TCF4: variants seen among roughly 807,000 people sequenced by gnomAD.
TCF4 encodes the protein transcription factor 4.
In TCF4, 3 loss-of-function variants were observed where a neutral mutation model predicts 82.1. The observed-to-expected ratio is 0.04, with a 90% CI of 0.02 to 0.09. The LOEUF (loss-of-function observed/expected upper bound fraction) is 0.09, where lower values mean the gene tolerates loss of function less well. Among genes scored for constraint, TCF4 ranks in the 10% least tolerant of loss-of-function variants. The pLI, the probability that TCF4 is intolerant of heterozygous loss-of-function variation, is 1.00. For synonymous variants in TCF4, 276 were observed against 309.6 expected (o/e 0.89, Z 1.14); for missense variants, 518 against 852.7 (o/e 0.61, Z 4.89).
At chr18:55,386,917 A>C (rs990035732) in intron 6 of TCF4, among the ~76,000 whole-genome samples, 4 of 152,198 alleles carry the variant, frequency 2.6e-5, no homozygotes, top group Non-Finnish European at 5.9e-5. Flanking sequence ...CACAGAGCCA[A>C]AGGAGGCACT....
chr18:55,344,463 G>C (rs1471605050), intron 8 of TCF4, among the ~76,000 whole-genome samples: 1 of 151,952 alleles, frequency 6.6e-6, no homozygotes, highest in Non-Finnish European at 1.5e-5. Flanking sequence ...ACACTTCTCA[G>C]TAATTTAAAC....
rs185541082 is a variant in TCF4 at position 55,510,345 on chromosome 18, C to T, written c.146-46208G>A. 1.1e-3 allele frequency among the ~76,000 whole-genome samples: 173 copies of T among 152,224 alleles called. 2 individuals are homozygous for T. The highest frequency in any genetic ancestry group is 5.4e-4 in the Non-Finnish European group (37 of 67,992). On this transcript the variant is annotated intron_variant, in intron 3 of 19. Transcript: ENST00000354452. ...TAGAGATAGCAAAAAAAAGTTAGAGCTTAAAAAAGCAGAAATGTTTATAAT... is the reference window on the plus strand; with the variant it reads ...TAGAGATAGCAAAAAAAAGTTAGAGTTTAAAAAAGCAGAAATGTTTATAAT...
At chr18:55,517,578 A>G (rs1408543048) in intron 3 of TCF4, among the ~76,000 whole-genome samples, 1 of 152,254 alleles carries the variant, frequency 6.6e-6, no homozygotes, top group Non-Finnish European at 1.5e-5. Context: ...ATATAAGCTA[A>G]CAACATTTAG....
intron 6 of TCF4, among the ~76,000 whole-genome samples, chr18:55,355,618 T>C (rs1488895034): frequency 6.6e-6 from 1 of 152,206 alleles, no homozygotes; most frequent in Non-Finnish European, 1.5e-5. Context: ...TGAAGGTCAG[T>C]CTTTGGACAG....
chr18:55,274,463 G>C (rs1419529696), intron 10 of TCF4, among the ~76,000 whole-genome samples: 1 of 152,144 alleles, frequency 6.6e-6, no homozygotes, highest in Non-Finnish European at 1.5e-5. Context: ...AAGGATATCA[G>C]AAATCTTAAC....
chr18:55,470,919 T>C (rs983923542), intron 3 of TCF4, among the ~76,000 whole-genome samples: 1 of 152,156 alleles, frequency 6.6e-6, no homozygotes, highest in African/African-American at 2.4e-5. Flanking sequence ...ACCTTCTTCC[T>C]GCAACAACAG....
chr18:55,600,554 G>C (rs970882775), intron 2 of TCF4, among the ~76,000 whole-genome samples: 1 of 152,102 alleles, frequency 6.6e-6, no homozygotes, highest in Non-Finnish European at 1.5e-5. Flanking sequence ...CCATTCTCAC[G>C]GGTGTGAACT....
At chr18:55,436,590 G>C (rs2147253343) in intron 5 of TCF4, among the ~76,000 whole-genome samples, 1 of 152,236 alleles carries the variant, frequency 6.6e-6, no homozygotes, top group East Asian at 1.9e-4. Flanking sequence ...CAAAATGAAA[G>C]ATATATGAAA....
intron 5 of TCF4, among the ~76,000 whole-genome samples, chr18:55,409,353 A>T (rs2094241021): frequency 6.6e-6 from 1 of 152,116 alleles, no homozygotes; most frequent in South Asian, 2.1e-4. Context: ...GAAGTACTGC[A>T]GTTAAGACAT....
intron 13 of TCF4, 153 bp from the exon 14 acceptor site, chr18:55,257,544 T>C: frequency 1.4e-6 from 1 of 727,662 alleles, no homozygotes; most frequent in East Asian, 2.7e-5. Context: ...TATAAGAATT[T>C]TGGGACAAGG....
intron 15 of TCF4, among the ~76,000 whole-genome samples, chr18:55,237,737 A>G (rs1282651064): frequency 6.6e-6 from 1 of 152,156 alleles, no homozygotes; most frequent in Non-Finnish European, 1.5e-5. Context: ...ATTCTCCAGG[A>G]TAGGATCAAC....
rs1471133873 is a variant in TCF4 at position 55,635,696 on chromosome 18, T to C, written c.195+7A>G. On this transcript the variant is annotated splice_region_variant and intron_variant, in intron 1 of 20. Transcript: ENST00000398339. ...GATGCTAAAGTAGCCCAAATGCTGG[T>C]TCCTACCTCCAAGGGCCTCCTGGAG... 5.2e-6 allele frequency: 8 copies of C among 1,546,776 alleles called. No homozygotes were observed. The highest frequency in any genetic ancestry group is 1.2e-5 in the South Asian group (1 of 83,526).
intron 3 of TCF4, among the ~76,000 whole-genome samples, chr18:55,510,277 T>C (rs987386305): frequency 1.8e-4 from 28 of 152,188 alleles, no homozygotes; most frequent in African/African-American, 6.8e-4. Flanking sequence ...TCCATTCCTC[T>C]ATTTCTCCGT....
At chr18:55,440,548 C>T (rs2095419966) in intron 5 of TCF4, among the ~76,000 whole-genome samples, 1 of 152,184 alleles carries the variant, frequency 6.6e-6, no homozygotes, top group African/African-American at 2.4e-5. Context: ...CATCGTCCGT[C>T]AATACATTAC....
rs570473615 is a variant in TCF4, at chr18:55,431,297, C to T, written c.305-27779G>A. On this transcript the variant is annotated intron_variant, in intron 5 of 19. Transcript: ENST00000354452. ...CCTTCTTTCTTGTTTTTTGTTTTTTCAGACGGAGTTTTGCTCTTGTTGTCC... is the reference window on the plus strand; with the variant it reads ...CCTTCTTTCTTGTTTTTTGTTTTTTTAGACGGAGTTTTGCTCTTGTTGTCC... Among the ~76,000 whole-genome samples, 48 of 152,052 alleles carry T rather than the reference C, an allele frequency of 3.2e-4. No individual in the cohort carries two copies. In the East Asian group the frequency reaches 9.3e-3, roughly 29 times the overall value.
chr18:55,533,392 C>T (rs1279146139), intron 3 of TCF4, among the ~76,000 whole-genome samples: 2 of 152,078 alleles, frequency 1.3e-5, no homozygotes, highest in African/African-American at 2.4e-5. Flanking sequence ...ACCACGGGGA[C>T]CCATAAAGCC....
chr18:55,582,975 T>TAA (rs1249557914), intron 3 of TCF4, among the ~76,000 whole-genome samples: 3 of 152,192 alleles, frequency 2.0e-5, no homozygotes, highest in African/African-American at 7.2e-5. Flanking sequence ...TTACGCTTTT[T>TAA]AAAAGATTTA....
At chr18:55,504,130 A>T (rs2146107322) in intron 3 of TCF4, among the ~76,000 whole-genome samples, 1 of 152,350 alleles carries the variant, frequency 6.6e-6, no homozygotes, top group East Asian at 1.9e-4. Flanking sequence ...CTGCTCTCAT[A>T]TGTATTCGTT....
At chr18:55,605,202 G>A (rs777251749) in intron 2 of TCF4, among the ~76,000 whole-genome samples, 1 of 152,158 alleles carries the variant, frequency 6.6e-6, no homozygotes, top group Non-Finnish European at 1.5e-5. Flanking sequence ...ACAGCATGTG[G>A]CCTAGACTGA....
Sources: allele counts gnomAD v4.1 joint callset (sites outside exome capture counted in the v4.1 genomes callset), GRCh38; gene constraint gnomAD v4.1.1; transcripts MANE v1.5; gene names NCBI Gene and HGNC (gene_info 2026-07-23, HGNC 2026-07-21).